Variants in TENM4 observed in about 807,000 individuals in gnomAD.
TENM4 encodes the protein teneurin-4.
TENM4 carries 82 observed loss-of-function variants against 243.3 expected under a neutral mutation model. The observed-to-expected ratio is 0.34, with a 90% CI of 0.28 to 0.40. TENM4 has a LOEUF of 0.40. TENM4 is among the 10% of genes least tolerant of loss of function. TENM4 has a pLI of 1.00. For missense variants in TENM4, 3,138 were observed against 3,673.3 expected (o/e 0.85, Z 3.77); for synonymous variants, 1,412 against 1,456.3 (o/e 0.97, Z 0.69).
chr11:79,415,522 G>A (rs968944316), intron 1 of TENM4, among the ~76,000 whole-genome samples: 1 of 152,160 alleles, frequency 6.6e-6, no homozygotes, highest in African/African-American at 2.4e-5. Flanking sequence ...ATGATGTGAT[G>A]TAGGTTTACC....
At chr11:79,030,001 C>G (rs1207330588) in intron 6 of TENM4, among the ~76,000 whole-genome samples, 1 of 152,064 alleles carries the variant, frequency 6.6e-6, no homozygotes, top group African/African-American at 2.4e-5. Context: ...TTGAAAGGAT[C>G]TAGGGAAAGG....
chr11:79,186,280 T>C (rs1175940346), intron 3 of TENM4, among the ~76,000 whole-genome samples: 1 of 152,062 alleles, frequency 6.6e-6, no homozygotes, highest in Non-Finnish European at 1.5e-5. Flanking sequence ...GTAAGAGAAA[T>C]GAGACAGGAA....
In TENM4 at chr11:79,155,715, C is replaced by T. The variant is rs1862599359; in HGVS notation, c.-162-6909G>A. On this transcript the variant is annotated intron_variant, in intron 3 of 33. Transcript: ENST00000278550. The stretch of plus-strand genomic sequence containing the variant: ...CCCTCCCCTCCTTTCCTCCTTTCCT[C>T]CCTCCCTCCCTCCGTCCCTTCCTTC... Among the ~76,000 whole-genome samples, 3 of 137,274 alleles carry T rather than the reference C, an allele frequency of 2.2e-5. No homozygotes were observed. The Admixed American group carries it at 2.3e-4, about 10-fold the overall frequency. The allele number at this position is 137,274 out of a possible 152,430, so 90.1% of individuals were successfully genotyped here. A position where few individuals can be genotyped will look rare whatever the true frequency, so the allele number is the denominator to read the frequency against.
At chr11:78,890,072 A>G in intron 8 of TENM4, 52 bp from the exon 9 acceptor site, 2 of 1,426,206 alleles carry the variant, frequency 1.4e-6, no homozygotes. Context: ...CAGACCAGGC[A>G]CCCAGACAAA....
intron 4 of TENM4, among the ~76,000 whole-genome samples, chr11:79,104,605 C>A (rs992059779): frequency 1.3e-5 from 2 of 152,210 alleles, no homozygotes; most frequent in Non-Finnish European, 2.9e-5. Context: ...TTAACCGGAC[C>A]CTGCAGGTGG....
At chr11:78,814,642 A>G (rs189257772) in intron 12 of TENM4, among the ~76,000 whole-genome samples, 30 of 152,366 alleles carry the variant, frequency 2.0e-4, no homozygotes, top group Admixed American at 1.8e-3. Flanking sequence ...TCAAATTTGT[A>G]TCTACAAACA....
At chr11:79,299,661 G>A (rs183134852) in intron 1 of TENM4, among the ~76,000 whole-genome samples, 218 of 152,260 alleles carry the variant, frequency 1.4e-3, no homozygotes, top group African/African-American at 5.1e-3. Context: ...AATAGTAACC[G>A]AGGAAATAGA....
chr11:79,237,852 A>G (rs1864509067), intron 2 of TENM4, among the ~76,000 whole-genome samples: 2 of 152,114 alleles, frequency 1.3e-5, no homozygotes, highest in Non-Finnish European at 2.9e-5. Flanking sequence ...CATTCCAAAT[A>G]GCTGAGGGAC....
intron 9 of TENM4, among the ~76,000 whole-genome samples, chr11:78,883,477 C>G (rs1429731452): frequency 6.6e-6 from 1 of 152,224 alleles, no homozygotes; most frequent in African/African-American, 2.4e-5. Context: ...AAAATGGCGC[C>G]ACTGCCCTGC....
At chr11:79,284,168 T>C (rs892943285) in intron 2 of TENM4, among the ~76,000 whole-genome samples, 2 of 152,188 alleles carry the variant, frequency 1.3e-5, no homozygotes, top group African/African-American at 4.8e-5. Context: ...CCTACCAAAA[T>C]CTCAGCTGGA....
chr11:79,345,907 CAA>C (rs1857318051), intron 1 of TENM4, among the ~76,000 whole-genome samples: 1 of 152,182 alleles, frequency 6.6e-6, no homozygotes, highest in Non-Finnish European at 1.5e-5. Flanking sequence ...CCTTACTACT[CAA>C]AGTGTGGTTC....
At chr11:79,430,308 C>A (rs1271012795) in intron 1 of TENM4, among the ~76,000 whole-genome samples, 1 of 152,130 alleles carries the variant, frequency 6.6e-6, no homozygotes, top group Non-Finnish European at 1.5e-5. Context: ...TGAACTGCAG[C>A]CCAGGGAAAC....
chr11:79,301,783 C>A lies in TENM4; in HGVS notation c.-320-4240G>T, dbSNP rs991683262. ...CTTGATAACGAGTGAGTTCTCTTGG[C>A]CTCACCCCCCTTGCTCCCTCTTCTT... On this transcript the variant is annotated intron_variant, in intron 1 of 33. Transcript: ENST00000278550. 5.3e-5 allele frequency among the ~76,000 whole-genome samples: 8 copies of A among 152,116 alleles called. No homozygotes were observed. The East Asian group carries it at 1.3e-3, about 26-fold the overall frequency.
intron 3 of TENM4, among the ~76,000 whole-genome samples, chr11:79,159,246 G>C (rs1217060724): frequency 2.6e-5 from 4 of 152,088 alleles, no homozygotes; most frequent in Non-Finnish European, 2.9e-5. Flanking sequence ...TCTTATCTTA[G>C]TCTACCCGGA....
rs546398210 is a variant in TENM4, at chr11:79,162,926, T to C, written c.-162-14120A>G. 6.6e-5 allele frequency among the ~76,000 whole-genome samples: 10 copies of C among 152,356 alleles called. No individual in the cohort carries two copies. In the South Asian group the frequency reaches 1.9e-3, roughly 28 times the overall value. On this transcript the variant is annotated intron_variant, in intron 3 of 33. Coordinates refer to ENST00000278550, the MANE Select transcript of TENM4 (RefSeq NM_001098816.3). ...TCCATAGTCCCTGTTCATACAAGGC[T>C]GGCTGACTCTTCAGCTCTGAGGGAG...
chr11:79,002,310 G>A (rs1858351023), intron 6 of TENM4, among the ~76,000 whole-genome samples: 1 of 152,198 alleles, frequency 6.6e-6, no homozygotes, highest in African/African-American at 2.4e-5. Context: ...CCAACACATG[G>A]GTACCCTGCC....
intron 6 of TENM4, among the ~76,000 whole-genome samples, chr11:79,055,023 A>T (rs1169148521): frequency 6.6e-6 from 1 of 151,270 alleles, no homozygotes; most frequent in Non-Finnish European, 1.5e-5. Context: ...GGTACTTGGG[A>T]GGCTGAGGCA....
chr11:78,950,846 C>A (rs1391678889), intron 6 of TENM4, among the ~76,000 whole-genome samples: 1 of 152,240 alleles, frequency 6.6e-6, no homozygotes, highest in Non-Finnish European at 1.5e-5. Flanking sequence ...AGCCAACATT[C>A]AAACCCACAC....
chr11:78,943,570 C>T (rs1856948370), intron 6 of TENM4, among the ~76,000 whole-genome samples: 1 of 152,150 alleles, frequency 6.6e-6, no homozygotes, highest in African/African-American at 2.4e-5. Flanking sequence ...AATTGCCTGT[C>T]ATAAATTCTC....
Sources: gnomAD v4.1 joint callset for allele counts (sites outside exome capture counted in the v4.1 genomes callset) on GRCh38, gnomAD v4.1.1 for gene constraint, MANE v1.5 for transcripts, NCBI Gene and HGNC (gene_info 2026-07-23, HGNC 2026-07-21) for gene names.